The following HSDL2 variants were observed in gnomAD, a reference collection of about 807,000 sequenced individuals.
HSDL2 encodes hydroxysteroid dehydrogenase-like protein 2.
A neutral mutation model predicts 46.3 loss-of-function variants in HSDL2; 27 were observed. The observed-to-expected ratio is 0.58, with a 90% confidence interval of 0.43 to 0.80. The LOEUF (loss-of-function observed/expected upper bound fraction) is 0.80. HSDL2 is among the 30% of genes least tolerant of loss of function. The probability of loss-of-function intolerance (pLI) is 0.00; values close to 1 mark genes in which losing one functional copy is unlikely to be tolerated. For synonymous variants in HSDL2, 153 were observed against 163.6 expected, an observed-to-expected ratio of 0.94 and a Z score of 0.50; for missense variants, 451 against 502.7, an observed-to-expected ratio of 0.90 and a Z score of 0.98.
chr9:112,445,867 C>T (rs546789659), intron 8 of HSDL2, among the ~76,000 whole-genome samples: 5 of 152,190 alleles, frequency 3.3e-5, no homozygotes, highest in African/African-American at 1.2e-4. Context: ...AGATTCACAG[C>T]AAAACTGAGA....
At chr9:112,466,676 A>G (rs1034950799) in intron 10 of HSDL2, among the ~76,000 whole-genome samples, 5 of 151,998 alleles carry the variant, frequency 3.3e-5, no homozygotes, top group African/African-American at 1.2e-4. Flanking sequence ...TTTGAAGCAC[A>G]TATGTTTTTA....
At chr9:112,381,168 T>C (rs1831085193) in intron 1 of HSDL2, among the ~76,000 whole-genome samples, 1 of 151,984 alleles carries the variant, frequency 6.6e-6, no homozygotes, top group Non-Finnish European at 1.5e-5. Flanking sequence ...TTGCTACTTT[T>C]AGTTGGTATG....
chr9:112,454,716 A>AT (rs1832974934), intron 9 of HSDL2, among the ~76,000 whole-genome samples: 1 of 151,028 alleles, frequency 6.6e-6, no homozygotes, highest in Non-Finnish European at 1.5e-5. Flanking sequence ...ATTTATAATT[A>AT]TTTTTTTGCA....
At chr9:112,415,972 G>T (rs556089185) in intron 4 of HSDL2, among the ~76,000 whole-genome samples, 3 of 152,226 alleles carry the variant, frequency 2.0e-5, no homozygotes, top group Admixed American at 6.5e-5. Flanking sequence ...GCCGGACGTG[G>T]TGGCGGGCGC....
At chr9:112,398,994 G>A (rs894031570) in intron 1 of HSDL2, among the ~76,000 whole-genome samples, 2 of 152,292 alleles carry the variant, frequency 1.3e-5, no homozygotes, top group South Asian at 2.1e-4. Context: ...CCGAACAAGC[G>A]TTTCTGTGAA....
rs7866174 is a variant in HSDL2 at position 112,384,609 on chromosome 9, G to A, written c.17+4429G>A. On this transcript the variant is annotated intron_variant, in intron 1 of 10. Transcript: ENST00000398805. ...AATCACTTGAGCCCAGGAGGTTGAC[G>A]CTGCCATGAGCTGTTGAGGCTGTTG... Among the ~76,000 whole-genome samples the A allele has an allele frequency of 8.5e-3, 1,288 of 151,834 alleles. 25 individuals are homozygous for A. The highest frequency in any genetic ancestry group is 0.03 in the African/African-American group (1,233 of 41,358).
chr9:112,442,613 T>G (rs1239293415), intron 8 of HSDL2, among the ~76,000 whole-genome samples: 1 of 152,202 alleles, frequency 6.6e-6, no homozygotes, highest in African/African-American at 2.4e-5. Context: ...ATTTTGCCAG[T>G]GGCTTACTTG....
chr9:112,450,626 CAA>C (rs56114018), intron 8 of HSDL2, among the ~76,000 whole-genome samples: 3 of 120,700 alleles, frequency 2.5e-5, no homozygotes, highest in Non-Finnish European at 5.0e-5. Context: ...AAGACTGCCT[CAA>C]AAAAAAAAAA....
chr9:112,449,616 C>A (rs1210799171), intron 8 of HSDL2, among the ~76,000 whole-genome samples: 2 of 151,948 alleles, frequency 1.3e-5, no homozygotes, highest in African/African-American at 4.8e-5. Context: ...GTAATTCTAG[C>A]ACTTTGGGAG....
At chr9:112,429,166 G>A (rs779847379) in intron 6 of HSDL2, among the ~76,000 whole-genome samples, 4 of 152,194 alleles carry the variant, frequency 2.6e-5, no homozygotes, top group African/African-American at 4.8e-5. Context: ...CCAAAGGTGC[G>A]GGGATTACAG....
At chr9:112,445,629 A>G (rs188944611) in intron 8 of HSDL2, among the ~76,000 whole-genome samples, 102 of 152,184 alleles carry the variant, frequency 6.7e-4, no homozygotes, top group African/African-American at 2.0e-3. Context: ...GGTTAAAGCA[A>G]TTCTCCTTCC....
intron 10 of HSDL2, among the ~76,000 whole-genome samples, chr9:112,461,137 T>C (rs1456383526): frequency 1.3e-5 from 2 of 151,930 alleles, no homozygotes; most frequent in Non-Finnish European, 2.9e-5. Context: ...AGTGCAATGG[T>C]GTTAACCTTG....
intron 8 of HSDL2, among the ~76,000 whole-genome samples, chr9:112,449,721 C>T (rs533328300): frequency 1.6e-4 from 24 of 151,628 alleles, no homozygotes; most frequent in Admixed American, 1.1e-3. Flanking sequence ...AAAAATTAGT[C>T]GGGTGTGGTG....
intron 5 of HSDL2, 146 bp from the exon 6 acceptor site, chr9:112,418,712 CAG>C (rs1205179306): frequency 1.3e-5 from 5 of 382,446 alleles, no homozygotes; most frequent in East Asian, 9.5e-5. Context: ...TATATACACA[CAG>C]ATATATACAC....
chr9:112,432,989 G>T (rs1170418021), intron 6 of HSDL2, among the ~76,000 whole-genome samples: 3 of 151,934 alleles, frequency 2.0e-5, no homozygotes, highest in African/African-American at 7.3e-5. Context: ...TGGCGAGGGT[G>T]CTCTAGAACT....
intron 8 of HSDL2, among the ~76,000 whole-genome samples, chr9:112,443,959 A>G (rs745895182): frequency 7.9e-5 from 12 of 152,232 alleles, no homozygotes; most frequent in South Asian, 2.1e-4. Context: ...GTTTACTGGC[A>G]TCAGGCTTTG....
chr9:112,447,748 C>T (rs1392075989), intron 8 of HSDL2, among the ~76,000 whole-genome samples: 1 of 152,148 alleles, frequency 6.6e-6, no homozygotes, highest in East Asian at 1.9e-4. Flanking sequence ...ATTTATTACT[C>T]AGTGGATAAA....
At chr9:112,425,831 C>T (rs892428478) in intron 6 of HSDL2, among the ~76,000 whole-genome samples, 2 of 151,356 alleles carry the variant, frequency 1.3e-5, no homozygotes, top group Non-Finnish European at 3.0e-5. Context: ...GGGCTCAAGC[C>T]ATCTTCCTGC....
At chr9:112,400,120 G>A (rs1184771714) in intron 1 of HSDL2, among the ~76,000 whole-genome samples, 1 of 152,190 alleles carries the variant, frequency 6.6e-6, no homozygotes, top group African/African-American at 2.4e-5. Flanking sequence ...AGGAACACAA[G>A]CGACCATTAA....
Sources: gnomAD v4.1 joint callset for allele counts (sites outside exome capture counted in the v4.1 genomes callset) on GRCh38, gnomAD v4.1.1 for gene constraint, MANE v1.5 for transcripts, NCBI Gene and HGNC (gene_info 2026-07-23, HGNC 2026-07-21) for gene names.